Variants in SKP1 observed in about 807,000 individuals in gnomAD.
SKP1 encodes S-phase kinase associated protein 1.
In SKP1, 1 loss-of-function variant was observed where a neutral mutation model predicts 21.5. The observed-to-expected ratio is 0.05, with a 90% CI of 0.02 to 0.22. The LOEUF is 0.22. Ranked by LOEUF, SKP1 falls within the 10% of genes least tolerant of loss-of-function variation. The pLI, the probability that SKP1 is intolerant of heterozygous loss-of-function variation, is 1.00. For missense variants in SKP1, 70 were observed against 192.0 expected (o/e 0.36, Z 3.76); for synonymous variants, 59 against 59.3 (o/e 0.99, Z 0.03).
intron 2 of SKP1, 21 bp from the exon 3 acceptor site, chr5:134,167,264 T>C: frequency 6.7e-7 from 1 of 1,497,240 alleles, no homozygotes; most frequent in East Asian, 2.3e-5. Flanking sequence ...CAGAAGAAAG[T>C]TTCTATTTCC....
intron 3 of SKP1, among the ~76,000 whole-genome samples, chr5:134,163,341 A>G (rs1761258125): frequency 6.6e-6 from 1 of 151,978 alleles, no homozygotes; most frequent in Non-Finnish European, 1.5e-5. Flanking sequence ...TAAAAAAGAA[A>G]AACAAAAAAA....
At chr5:134,167,748 T>G (rs986404110) in intron 2 of SKP1, among the ~76,000 whole-genome samples, 1 of 152,190 alleles carries the variant, frequency 6.6e-6, no homozygotes, top group African/African-American at 2.4e-5. Context: ...ATGGTCTCGA[T>G]CTCCTGACCT....
rs1761033965 is a variant in SKP1, at chr5:134,150,955, G to A, written c.*6778C>T. The A allele has an allele frequency of 6.6e-6, 1 of 152,196 alleles. No homozygotes were observed. Among genetic ancestry groups the A allele is most frequent in the Non-Finnish European group, 1.5e-5 (1 of 68,052 alleles). 9.4% of individuals were successfully genotyped at this position (152,196 alleles called of 1,614,324 possible). The stretch of plus-strand genomic sequence containing the variant: ...TAAAAGCCTAGCTCAGGTCAGGAAG[G>A]ATTTTCAAGCTCTTAAAGATAGCAT... On this transcript the variant is annotated 3_prime_UTR_variant, in exon 6 of 6. Coordinates refer to ENST00000353411, the MANE Select transcript of SKP1 (RefSeq NM_170679.3).
intron 1 of SKP1, chr5:134,175,395 G>A (rs1761520409): frequency 1.3e-5 from 2 of 152,246 alleles, no homozygotes; most frequent in Non-Finnish European, 2.9e-5. Context: ...CCTGCTTAAT[G>A]GAGAAGGATG....
intron 2 of SKP1, among the ~76,000 whole-genome samples, chr5:134,169,916 G>A (rs751643580): frequency 1.3e-5 from 2 of 151,686 alleles, no homozygotes; most frequent in East Asian, 1.9e-4. Flanking sequence ...CAGAAGAATC[G>A]CTTGAACCCA....
chr5:134,169,406 T>C (rs34751193), intron 2 of SKP1, among the ~76,000 whole-genome samples: 4,960 of 152,338 alleles, frequency 0.033, 91 homozygotes, highest in Non-Finnish European at 0.05. Context: ...AAGTCACTTA[T>C]GTCTTTCCTG....
intron 2 of SKP1, among the ~76,000 whole-genome samples, chr5:134,172,779 C>T (rs1284763705): frequency 6.6e-6 from 1 of 151,434 alleles, no homozygotes; most frequent in Non-Finnish European, 1.5e-5. Context: ...TTGGGAGCCT[C>T]AGGCGGGTGG....
chr5:134,153,133 T>A lies in SKP1; in HGVS notation c.*4600A>T, dbSNP rs1354232470. ...TCAAACAACTTTGTAGGGAGAACAT[T>A]TACTTGGTTGATTCCTTCCTACCAG... On this transcript the variant is annotated 3_prime_UTR_variant, in exon 6 of 6. Transcript: ENST00000353411. 6.6e-6 allele frequency: 1 copy of A among 152,182 alleles called. No individual in the cohort carries two copies. Among genetic ancestry groups the A allele is most frequent in the Non-Finnish European group, 1.5e-5 (1 of 68,034 alleles). The allele number at this position is 152,182 out of a possible 1,614,324, so 9.4% of individuals were successfully genotyped here.
In SKP1 at chr5:134,152,626, C is replaced by T. The variant is rs1761060642; in HGVS notation, c.*5107G>A. 1.3e-5 allele frequency: 2 copies of T among 152,234 alleles called. No individual in the cohort carries two copies. The highest frequency in any genetic ancestry group is 6.5e-5 in the Admixed American group (1 of 15,278). 9.4% of individuals were successfully genotyped at this position (152,234 alleles called of 1,614,324 possible). ...GCGTGATGTCGGCTCACTGCAACTTCCGCCTCCCGGGTTCAAGCGGTTCTC... is the reference window on the plus strand; with the variant it reads ...GCGTGATGTCGGCTCACTGCAACTTTCGCCTCCCGGGTTCAAGCGGTTCTC... On this transcript the variant is annotated 3_prime_UTR_variant, in exon 6 of 6. Coordinates refer to ENST00000353411, the MANE Select transcript of SKP1 (RefSeq NM_170679.3).
At position 134,149,293 on chromosome 5, in the gene SKP1, T is replaced by C. The variant is rs936941249; in HGVS notation, c.*8440A>G. ...TTCCATTCCGTATCCATATACCATG[T>C]GTACTCACTGTTTAGCTCCCTACAA... On this transcript the variant is annotated 3_prime_UTR_variant, in exon 6 of 6. Coordinates refer to ENST00000353411, the MANE Select transcript of SKP1 (RefSeq NM_170679.3). The C allele has an allele frequency of 6.6e-6, 1 of 152,226 alleles. No individual in the cohort carries two copies. Among genetic ancestry groups the C allele is most frequent in the African/African-American group, 2.4e-5 (1 of 41,458 alleles). 9.4% of individuals were successfully genotyped at this position (152,226 alleles called of 1,614,324 possible).
At chr5:134,164,600 G>A (rs1309430224) in intron 3 of SKP1, among the ~76,000 whole-genome samples, 4 of 151,950 alleles carry the variant, frequency 2.6e-5, no homozygotes, top group African/African-American at 9.7e-5. Context: ...CCAGGCATTC[G>A]ACTACAAGCA....
At chr5:134,158,029 C>G (rs1580924176) in intron 5 of SKP1, 1 of 1,480,714 alleles carries the variant, frequency 6.8e-7, no homozygotes, top group East Asian at 2.8e-5. Flanking sequence ...TCAGTTAATT[C>G]ATTCACATTA....
chr5:134,163,212 C>CAAAAAAAAAAAAAAAAA (rs747546593), intron 3 of SKP1, among the ~76,000 whole-genome samples: 1 of 70,088 alleles, frequency 1.4e-5, no homozygotes, highest in African/African-American at 6.9e-5. Context: ...GCGATTCTGT[C>CAAAAAAAAAAAAAAAAA]AAAAAAAAAA....
chr5:134,173,846 T>G, intron 2 of SKP1, 80 bp downstream of exon 2: 1 of 828,040 alleles, frequency 1.2e-6, no homozygotes, highest in Non-Finnish European at 2.1e-6. Flanking sequence ...TATGACAGGC[T>G]GCTGCTCATA....
At chr5:134,175,447 G>A (rs757423086) in intron 1 of SKP1, 2 of 152,048 alleles carry the variant, frequency 1.3e-5, no homozygotes, top group African/African-American at 2.4e-5. Flanking sequence ...ACAACAAAAG[G>A]TATCTCCAAA....
chr5:134,162,034 G>A (rs1761229897), intron 3 of SKP1: 2 of 150,930 alleles, frequency 1.3e-5, no homozygotes, highest in South Asian at 4.2e-4. Flanking sequence ...GAAAATGGCA[G>A]AGCCAAGAAA....
chr5:134,174,474 G>C (rs1253297343), intron 1 of SKP1: 40 of 992,054 alleles, frequency 4.0e-5, no homozygotes, highest in Non-Finnish European at 4.8e-5. Context: ...GTGAAGATGA[G>C]TTCAGATCCA....
intron 2 of SKP1, chr5:134,171,114 A>G (rs1761431581): frequency 2.3e-6 from 1 of 434,484 alleles, no homozygotes; most frequent in Non-Finnish European, 4.5e-6. Context: ...TTTAAAGGCC[A>G]CTATGATTGG....
chr5:134,175,771 T>C (rs1273809745), intron 1 of SKP1, among the ~76,000 whole-genome samples: 1 of 152,220 alleles, frequency 6.6e-6, no homozygotes, highest in African/African-American at 2.4e-5. Context: ...AGTTTTAGTG[T>C]TACAGTAGAA....
Sources: gnomAD v4.1 joint callset for allele counts (sites outside exome capture counted in the v4.1 genomes callset) on GRCh38, gnomAD v4.1.1 for gene constraint, MANE v1.5 for transcripts, NCBI Gene and HGNC (gene_info 2026-07-23, HGNC 2026-07-21) for gene names.